The following ANKRD44 variants were observed in gnomAD, a reference collection of about 807,000 sequenced individuals.
ANKRD44 encodes ankyrin repeat domain 44.
Under a neutral mutation model 116.0 loss-of-function variants are expected in ANKRD44, and 35 were observed. The observed-to-expected ratio is 0.30, with a 90% confidence interval of 0.23 to 0.40. ANKRD44 has a LOEUF of 0.40. ANKRD44 is among the 10% of genes least tolerant of loss of function. The pLI, the probability that ANKRD44 is intolerant of heterozygous loss-of-function variation, is 1.00. For synonymous variants in ANKRD44, 435 were observed against 461.8 expected (o/e 0.94, Z 0.74); for missense variants, 1,014 against 1,242.6 (o/e 0.82, Z 2.77).
At chr2:197,257,337 T>TA (rs1364198262) in intron 1 of ANKRD44, among the ~76,000 whole-genome samples, 6 of 151,624 alleles carry the variant, frequency 4.0e-5, no homozygotes, top group Non-Finnish European at 5.9e-5. Context: ...AGGTATTCTT[T>TA]AAAAAACAAA....
chr2:197,063,617 T>C (rs567473948), intron 16 of ANKRD44, among the ~76,000 whole-genome samples: 2 of 152,300 alleles, frequency 1.3e-5, no homozygotes, highest in South Asian at 2.1e-4. Flanking sequence ...AATGACCTGA[T>C]GGAGCTGAAA....
At chr2:197,104,591 G>GCATT (rs2078381235) in intron 9 of ANKRD44, among the ~76,000 whole-genome samples, 1 of 152,136 alleles carries the variant, frequency 6.6e-6, no homozygotes, top group Admixed American at 6.6e-5. Context: ...TGGGGAAAGG[G>GCATT]CATTATCTTC....
rs375191800 is a variant in ANKRD44, at chr2:197,186,753, G to A, written c.111+270C>T. Among the ~76,000 whole-genome samples the A allele has an allele frequency of 1.1e-4, 16 of 147,892 alleles. No homozygotes were observed. The South Asian group carries it at 1.5e-3, about 14-fold the overall frequency. On this transcript the variant is annotated intron_variant, in intron 2 of 27. Coordinates refer to ENST00000282272, the MANE Select transcript of ANKRD44 (RefSeq NM_001195144.2). Reference sequence around the variant, plus strand: ...TGGGATTATAGGCATGAACCACTGCGCCCAGCCTAAATGTGTTATTTTTTT... The same window carrying A: ...TGGGATTATAGGCATGAACCACTGCACCCAGCCTAAATGTGTTATTTTTTT...
intron 9 of ANKRD44, among the ~76,000 whole-genome samples, chr2:197,100,805 T>G (rs1039436323): frequency 6.6e-6 from 1 of 152,228 alleles, no homozygotes; most frequent in Non-Finnish European, 1.5e-5. Context: ...ATACTTCTTT[T>G]AATAATATAG....
At chr2:197,083,631 A>C (rs539905416) in intron 13 of ANKRD44, 122 bp from the exon 14 acceptor site, 88 of 1,035,880 alleles carry the variant, frequency 8.5e-5, no homozygotes, top group Non-Finnish European at 1.1e-4. Context: ...GAGTGTGTGG[A>C]GGCCAAAGTC....
chr2:197,091,981 G>A (rs1478392929), intron 10 of ANKRD44, among the ~76,000 whole-genome samples: 1 of 152,134 alleles, frequency 6.6e-6, no homozygotes, highest in African/African-American at 2.4e-5. Flanking sequence ...ACAGTCACCA[G>A]GATGACCCCT....
At chr2:197,069,358 T>A (rs1052139328) in intron 16 of ANKRD44, among the ~76,000 whole-genome samples, 9 of 152,004 alleles carry the variant, frequency 5.9e-5, no homozygotes, top group Non-Finnish European at 1.0e-4. Context: ...AAATGATGAG[T>A]TAATGGGTAC....
intron 16 of ANKRD44, among the ~76,000 whole-genome samples, chr2:197,044,436 G>A (rs866871322): frequency 4.6e-5 from 7 of 152,138 alleles, no homozygotes; most frequent in East Asian, 1.9e-4. Flanking sequence ...GCGCGATCTC[G>A]GCTCACTGCA....
intron 10 of ANKRD44, among the ~76,000 whole-genome samples, chr2:197,092,546 C>T (rs1365646648): frequency 1.3e-5 from 2 of 152,140 alleles, no homozygotes; most frequent in African/African-American, 2.4e-5. Context: ...TCCTATTTAA[C>T]GGTGGTTTTA....
At chr2:197,037,707 G>A (rs1382330507) in intron 16 of ANKRD44, among the ~76,000 whole-genome samples, 2 of 152,216 alleles carry the variant, frequency 1.3e-5, no homozygotes, top group African/African-American at 4.8e-5. Flanking sequence ...AGAGGCCAAC[G>A]TGGGAGGATC....
At chr2:197,015,373 GAA>G in intron 17 of ANKRD44, 1 of 575,952 alleles carries the variant, frequency 1.7e-6, no homozygotes, top group African/African-American at 1.9e-5. Context: ...AGGCAGATTG[GAA>G]AAAAAGAGAG....
chr2:197,100,402 T>C, intron 9 of ANKRD44, among the ~76,000 whole-genome samples: 1 of 151,868 alleles, frequency 6.6e-6, no homozygotes, highest in African/African-American at 2.4e-5. Context: ...ACCACTGCAC[T>C]CCAGCCTGGG....
intron 16 of ANKRD44, among the ~76,000 whole-genome samples, chr2:197,026,126 G>A (rs1233105326): frequency 6.0e-5 from 9 of 150,228 alleles, no homozygotes; most frequent in Middle Eastern, 3.5e-3. Context: ...AAATAGATGA[G>A]TGCACAATAG....
At chr2:197,255,267 G>A (rs1343508961) in intron 1 of ANKRD44, among the ~76,000 whole-genome samples, 2 of 152,202 alleles carry the variant, frequency 1.3e-5, no homozygotes, top group African/African-American at 2.4e-5. Context: ...ATGGGGTTAC[G>A]CTTCCTGGGG....
At chr2:197,166,315 C>G (rs906664126) in intron 2 of ANKRD44, among the ~76,000 whole-genome samples, 2 of 152,136 alleles carry the variant, frequency 1.3e-5, no homozygotes, top group African/African-American at 4.8e-5. Flanking sequence ...AACTGCAATC[C>G]AAAGACGTGC....
intron 16 of ANKRD44, among the ~76,000 whole-genome samples, chr2:197,052,892 G>C (rs2077136264): frequency 6.6e-6 from 1 of 152,050 alleles, no homozygotes. Flanking sequence ...GAGATAGGCT[G>C]GGTGTGGTGG....
intron 2 of ANKRD44, among the ~76,000 whole-genome samples, chr2:197,168,101 G>A (rs2080140482): frequency 6.6e-6 from 1 of 152,196 alleles, no homozygotes; most frequent in South Asian, 2.1e-4. Flanking sequence ...GAAGTGTTCA[G>A]GCTGACAGCC....
At chr2:196,991,782 A>T (rs2075922643) in intron 27 of ANKRD44, among the ~76,000 whole-genome samples, 1 of 150,532 alleles carries the variant, frequency 6.6e-6, no homozygotes, top group African/African-American at 2.4e-5. Context: ...TTTTGAGTCA[A>T]GGTCTTGCTA....
chr2:197,014,516 G>T (rs539602440), intron 17 of ANKRD44, among the ~76,000 whole-genome samples: 12 of 152,020 alleles, frequency 7.9e-5, no homozygotes, highest in Non-Finnish European at 1.3e-4. Flanking sequence ...TGTCAGACAC[G>T]GTGGCTCACA....
Sources: allele counts gnomAD v4.1 joint callset (sites outside exome capture counted in the v4.1 genomes callset), GRCh38; gene constraint gnomAD v4.1.1; transcripts MANE v1.5; gene names NCBI Gene and HGNC (gene_info 2026-07-23, HGNC 2026-07-21).